The following FBXO3 variants were observed in gnomAD, a reference collection of about 807,000 sequenced individuals.
The protein encoded by FBXO3 is F-box only protein 3.
A neutral mutation model predicts 64.8 loss-of-function variants in FBXO3; 17 were observed. That is an observed-to-expected ratio of 0.26 (90% confidence interval 0.18 to 0.39). FBXO3 has a LOEUF of 0.39. Among genes scored for constraint, FBXO3 ranks in the 10% least tolerant of loss-of-function variants. The pLI, the probability that FBXO3 is intolerant of heterozygous loss-of-function variation, is 1.00. For missense variants in FBXO3, 420 were observed against 589.9 expected (o/e 0.71, Z 2.98); for synonymous variants, 182 against 201.6 (o/e 0.90, Z 0.82).
intron 2 of FBXO3, among the ~76,000 whole-genome samples, chr11:33,769,833 G>A (rs1363195098): frequency 7.0e-6 from 1 of 142,194 alleles, no homozygotes; most frequent in Non-Finnish European, 1.5e-5. Flanking sequence ...TAGGAATGGG[G>A]AAAAGAACAA....
chr11:33,754,041 A>G (rs974319432), intron 6 of FBXO3: 1 of 154,852 alleles, frequency 6.5e-6, no homozygotes, highest in African/African-American at 2.4e-5. Context: ...GGAGGTCTCT[A>G]ATGTGACTTA....
At position 33,770,814 on chromosome 11, in the gene FBXO3, G is replaced by A. The variant is rs758687860; in HGVS notation, c.121C>T (p.Arg41Ter). 1 of 1,606,560 alleles carries A rather than the reference G, an allele frequency of 6.2e-7. No homozygotes were observed. The highest frequency in any genetic ancestry group is 8.5e-7 in the Non-Finnish European group (1 of 1,174,770). ...RDLINCCYVS[R>*]RLSQLSSHDP... ...TGACTTGATAGCTGGCTAAGTCTTC[G>A]ACTGACATAACAACAGCTGGCAGTA... The change falls in exon 2 of 11, where the codon CGA (arginine) becomes TGA (stop). Residue 41 changes from arginine (R) to a stop codon, truncating the protein, a stop_gained. Transcript: ENST00000265651. LOFTEE classifies it high-confidence loss of function.
At chr11:33,768,291 T>C (rs749557224) in intron 3 of FBXO3, among the ~76,000 whole-genome samples, 3 of 152,214 alleles carry the variant, frequency 2.0e-5, no homozygotes, top group Non-Finnish European at 2.9e-5. Flanking sequence ...AATGGTGTAA[T>C]AGAAAGAGCA....
Position 33,752,680 on chromosome 11 carries a change from T to C in FBXO3, c.725-1073A>G, listed in dbSNP as rs35466727. ...TATTAAACACTATTGTATTCAAGGTTCACTGATCATGTACCTACTTTGAGT... is the reference window on the plus strand; with the variant it reads ...TATTAAACACTATTGTATTCAAGGTCCACTGATCATGTACCTACTTTGAGT... On this transcript the variant is annotated intron_variant, in intron 6 of 10. Transcript: ENST00000265651. 3.1e-3 allele frequency among the ~76,000 whole-genome samples: 472 copies of C among 152,316 alleles called. 7 individuals are homozygous for C. In the East Asian group the frequency reaches 0.047, roughly 15 times the overall value.
chr11:33,765,771 T>C (rs1225955112), intron 3 of FBXO3, among the ~76,000 whole-genome samples: 1 of 152,228 alleles, frequency 6.6e-6, no homozygotes, highest in Non-Finnish European at 1.5e-5. Flanking sequence ...GAGTGACTTC[T>C]CATGAGATCT....
chr11:33,767,887 G>T (rs895930468), intron 3 of FBXO3, among the ~76,000 whole-genome samples: 6 of 152,028 alleles, frequency 3.9e-5, no homozygotes, highest in Admixed American at 3.9e-4. Context: ...ATTAATCAAG[G>T]GTACTTTCCT....
At chr11:33,751,882 A>G (rs373681816) in intron 6 of FBXO3, among the ~76,000 whole-genome samples, 1 of 152,238 alleles carries the variant, frequency 6.6e-6, no homozygotes, top group Non-Finnish European at 1.5e-5. Flanking sequence ...TAATTAATCA[A>G]ATTTTAAACT....
At chr11:33,747,432 G>T in intron 9 of FBXO3, 112 bp from the exon 10 acceptor site, 1 of 806,310 alleles carries the variant, frequency 1.2e-6, no homozygotes, top group Non-Finnish European at 1.9e-6. Flanking sequence ...TAAATGCACA[G>T]TTAGAAAAAA....
intron 9 of FBXO3, among the ~76,000 whole-genome samples, chr11:33,748,163 T>C (rs565332103): frequency 6.6e-6 from 1 of 152,248 alleles, no homozygotes; most frequent in South Asian, 2.1e-4. Flanking sequence ...GCCTCTCTCT[T>C]AGCGCTAGAT....
chr11:33,750,530 A>C lies in FBXO3; in HGVS notation c.932+9T>G, dbSNP rs762482300. ...TTAACTGAAAGGTGACCCCATTTAA[A>C]ATTCTCACCTGATTCGGTATGTGAA... On this transcript the variant is annotated intron_variant, in intron 8 of 10. Coordinates refer to ENST00000265651, the MANE Select transcript of FBXO3 (RefSeq NM_012175.4). 1 of 1,613,396 alleles carries C rather than the reference A, an allele frequency of 6.2e-7. No homozygotes were observed. Among genetic ancestry groups the C allele is most frequent in the Non-Finnish European group, 8.5e-7 (1 of 1,179,602 alleles).
intron 10 of FBXO3, 116 bp downstream of exon 10, chr11:33,747,014 C>A: frequency 6.6e-7 from 1 of 1,507,128 alleles, no homozygotes; most frequent in Non-Finnish European, 8.8e-7. Flanking sequence ...GATACTTTCT[C>A]AAAATCTCTA....
At position 33,763,916 on chromosome 11, in the gene FBXO3, A is replaced by G. The variant is rs182121196; in HGVS notation, c.358+4935T>C. 2.2e-3 allele frequency among the ~76,000 whole-genome samples: 332 copies of G among 152,362 alleles called. 3 individuals are homozygous for G. The highest frequency in any genetic ancestry group is 3.4e-3 in the Middle Eastern group (1 of 294). ...CAAAAAGGCTAAAATAAAAAGAATG[A>G]CAACATTAAAGTGCTGGTAAGAATG... On this transcript the variant is annotated intron_variant, in intron 3 of 10. Transcript: ENST00000265651.
At chr11:33,774,097 C>G in intron 1 of FBXO3, 1 of 319,102 alleles carries the variant, frequency 3.1e-6, no homozygotes, top group Non-Finnish European at 5.9e-6. Context: ...CGCGGCGGTG[C>G]GGCACGAGGG....
intron 4 of FBXO3, among the ~76,000 whole-genome samples, chr11:33,757,955 CAAA>C (rs1285714596): frequency 9.3e-5 from 8 of 86,442 alleles, no homozygotes; most frequent in Admixed American, 1.2e-4. Flanking sequence ...GACCCTGTCT[CAAA>C]AAAAAAAAAA....
intron 6 of FBXO3, 118 bp downstream of exon 6, chr11:33,754,336 GA>G (rs1855036520): frequency 1.3e-6 from 1 of 753,054 alleles, no homozygotes; most frequent in Admixed American, 3.2e-5. Context: ...AAACCTTAAA[GA>G]AATCCAAGTA....
Position 33,771,924 on chromosome 11 carries a change from C to T in FBXO3, c.105-1094G>A, listed in dbSNP as rs564863038. 3 of 152,282 alleles carry T rather than the reference C, an allele frequency of 2.0e-5. No individual in the cohort carries two copies. The East Asian group carries it at 5.8e-4, about 29-fold the overall frequency. 9.4% of individuals were successfully genotyped at this position (152,282 alleles called of 1,614,324 possible). ...CATGAAAGATGAATTCAATGCACATCGAGAGTGAAAACTACTGTTCTAGAG... is the reference window on the plus strand; with the variant it reads ...CATGAAAGATGAATTCAATGCACATTGAGAGTGAAAACTACTGTTCTAGAG... On this transcript the variant is annotated intron_variant, in intron 1 of 10. Transcript: ENST00000265651.
intron 2 of FBXO3, 61 bp downstream of exon 2, chr11:33,770,680 C>G (rs1855490246): frequency 8.0e-7 from 1 of 1,255,292 alleles, no homozygotes. Flanking sequence ...TCAGGACAAA[C>G]TAGTGTTATG....
At chr11:33,742,118 G>A in intron 10 of FBXO3, 34 bp from the exon 11 acceptor site, 1 of 1,475,130 alleles carries the variant, frequency 6.8e-7, no homozygotes, top group Non-Finnish European at 9.0e-7. Context: ...GATAAGAAGA[G>A]CATCTATCAG....
intron 3 of FBXO3, among the ~76,000 whole-genome samples, chr11:33,768,094 A>T (rs964499045): frequency 1.3e-5 from 2 of 152,218 alleles, no homozygotes; most frequent in African/African-American, 4.8e-5. Flanking sequence ...TTTGAGAAGA[A>T]CTGATTCCAA....
Sources: allele counts gnomAD v4.1 joint callset (sites outside exome capture counted in the v4.1 genomes callset), GRCh38; gene constraint gnomAD v4.1.1; transcripts MANE v1.5; gene names NCBI Gene and HGNC (gene_info 2026-07-23, HGNC 2026-07-21).